Variants in NPAS3 observed in about 807,000 individuals in gnomAD.
NPAS3 encodes the protein neuronal PAS domain-containing protein 3.
Under a neutral mutation model 73.1 loss-of-function variants are expected in NPAS3, and 14 were observed. That is an observed-to-expected ratio of 0.19 (90% CI 0.13 to 0.30). The LOEUF is 0.30. NPAS3 is among the 10% of genes least tolerant of loss of function. The pLI is 1.00. For synonymous variants in NPAS3, 620 were observed against 541.5 expected (o/e 1.14, Z -2.01); for missense variants, 1,096 against 1,250.0 (o/e 0.88, Z 1.86).
intron 3 of NPAS3, among the ~76,000 whole-genome samples, chr14:33,289,103 G>A (rs2041992089): frequency 6.6e-6 from 1 of 152,150 alleles, no homozygotes; most frequent in African/African-American, 2.4e-5. Flanking sequence ...GCCAAGTACT[G>A]TGATTAAGTG....
intron 4 of NPAS3, among the ~76,000 whole-genome samples, chr14:33,438,004 G>C (rs1310838321): frequency 1.3e-5 from 2 of 152,170 alleles, no homozygotes; most frequent in African/African-American, 4.8e-5. Flanking sequence ...TAATGAAGAT[G>C]TAAAGGGGAA....
At chr14:33,725,653 C>T (rs1249295581) in intron 6 of NPAS3, among the ~76,000 whole-genome samples, 1 of 152,138 alleles carries the variant, frequency 6.6e-6, no homozygotes, top group Non-Finnish European at 1.5e-5. Context: ...TCCAGCTCAT[C>T]ATGTCATCAG....
chr14:33,087,896 T>C (rs1177208511), intron 2 of NPAS3, among the ~76,000 whole-genome samples: 5 of 152,226 alleles, frequency 3.3e-5, no homozygotes, highest in Non-Finnish European at 4.4e-5. Context: ...TATTCATAAT[T>C]GTTTTCATAC....
At chr14:33,311,746 G>A (rs12432566) in intron 3 of NPAS3, among the ~76,000 whole-genome samples, 11,800 of 152,138 alleles carry the variant, frequency 0.078, 908 homozygotes, top group East Asian at 0.34. Flanking sequence ...CAGTCTGGTG[G>A]TGGAGGCGGG....
At chr14:33,382,991 G>T (rs2046620436) in intron 4 of NPAS3, among the ~76,000 whole-genome samples, 1 of 151,446 alleles carries the variant, frequency 6.6e-6, no homozygotes, top group African/African-American at 2.4e-5. Flanking sequence ...GGAGGCTGAG[G>T]CAGGAAAATT....
In NPAS3 at chr14:33,198,896, G is replaced by C. The variant is rs145673964; in HGVS notation, c.141-16286G>C. 7.7e-3 allele frequency among the ~76,000 whole-genome samples: 1,178 copies of C among 152,324 alleles called. 8 individuals are homozygous for C. Among genetic ancestry groups the C allele is most frequent in the Non-Finnish European group, 0.011 (779 of 68,032 alleles). ...CCCTGCCCCACAGGGAGGTGGCTGA[G>C]GCCAGGCAAGAATTTGAGCGCGGCG... On this transcript the variant is annotated intron_variant, in intron 2 of 11. Transcript: ENST00000356141.
At chr14:33,321,220 C>T (rs1024700718) in intron 3 of NPAS3, among the ~76,000 whole-genome samples, 1 of 152,058 alleles carries the variant, frequency 6.6e-6, no homozygotes. Context: ...GCCCATTCTG[C>T]TTAATTAGTT....
chr14:33,070,612 G>A (rs539013731), intron 2 of NPAS3, among the ~76,000 whole-genome samples: 48 of 152,256 alleles, frequency 3.2e-4, no homozygotes, highest in South Asian at 1.4e-3. Context: ...TGAAAGTAGC[G>A]TACAGTCAGA....
chr14:33,168,128 A>C (rs1018975697), intron 2 of NPAS3, among the ~76,000 whole-genome samples: 4 of 152,178 alleles, frequency 2.6e-5, no homozygotes, highest in Non-Finnish European at 5.9e-5. Context: ...GGAAGAGCCC[A>C]AGATTGCATA....
At chr14:33,355,387 G>A (rs1285980325) in intron 3 of NPAS3, among the ~76,000 whole-genome samples, 2 of 151,874 alleles carry the variant, frequency 1.3e-5, no homozygotes, top group African/African-American at 4.8e-5. Flanking sequence ...TGCATCCTCC[G>A]CCTCCCAGGT....
intron 3 of NPAS3, among the ~76,000 whole-genome samples, chr14:33,284,035 A>T (rs1566757044): frequency 6.6e-6 from 1 of 152,020 alleles, no homozygotes; most frequent in African/African-American, 2.4e-5. Context: ...TCCTTTCTTC[A>T]TATGTTTTAT....
intron 5 of NPAS3, among the ~76,000 whole-genome samples, chr14:33,647,676 A>G (rs1206745816): frequency 1.3e-5 from 2 of 152,114 alleles, no homozygotes; most frequent in African/African-American, 4.8e-5. Context: ...GATGCCTCCC[A>G]GTTGTGGCTT....
At chr14:32,944,838 G>A (rs980031421) in intron 1 of NPAS3, among the ~76,000 whole-genome samples, 4 of 152,162 alleles carry the variant, frequency 2.6e-5, no homozygotes, top group Admixed American at 2.6e-4. Context: ...ATCACGTCTT[G>A]GTGAATTAAT....
At chr14:33,273,880 G>T (rs1445163877) in intron 3 of NPAS3, among the ~76,000 whole-genome samples, 1 of 152,178 alleles carries the variant, frequency 6.6e-6, no homozygotes, top group Non-Finnish European at 1.5e-5. Context: ...CAATGAAATA[G>T]TGACTCCCAA....
intron 3 of NPAS3, among the ~76,000 whole-genome samples, chr14:33,279,200 C>A (rs1392654226): frequency 6.6e-6 from 1 of 152,084 alleles, no homozygotes; most frequent in East Asian, 1.9e-4. Flanking sequence ...GTTCCGGGAC[C>A]ATACTTAGAA....
intron 4 of NPAS3, among the ~76,000 whole-genome samples, chr14:33,413,205 A>T (rs1326852012): frequency 2.6e-5 from 4 of 151,290 alleles, no homozygotes; most frequent in African/African-American, 9.7e-5. Context: ...TGTGAGGACA[A>T]CACTTTTCTT....
At chr14:33,421,538 A>G (rs932220772) in intron 4 of NPAS3, among the ~76,000 whole-genome samples, 17 of 143,320 alleles carry the variant, frequency 1.2e-4, no homozygotes, top group Non-Finnish European at 2.0e-4. Context: ...AGCATTTCCC[A>G]TATAGAAGCT....
exon 12 of NPAS3, chr14:33,801,079 G>T (rs376161343): frequency 6.3e-7 from 1 of 1,591,908 alleles, no homozygotes; most frequent in Non-Finnish European, 8.5e-7. Flanking sequence ...GCATCCACGC[G>T]GCACAGACTC....
intron 2 of NPAS3, among the ~76,000 whole-genome samples, chr14:33,070,652 T>C (rs974488260): frequency 6.6e-6 from 1 of 152,310 alleles, no homozygotes; most frequent in Non-Finnish European, 1.5e-5. Context: ...TCATAGCACA[T>C]GGCGTAGGGG....
Sources: allele counts gnomAD v4.1 joint callset (sites outside exome capture counted in the v4.1 genomes callset), GRCh38; gene constraint gnomAD v4.1.1; transcripts MANE v1.5; gene names NCBI Gene and HGNC (gene_info 2026-07-23, HGNC 2026-07-21).